The following C8orf34 variants were observed in gnomAD, a reference collection of about 807,000 sequenced individuals.
C8orf34 encodes uncharacterized protein C8orf34.
Under a neutral mutation model 68.3 loss-of-function variants are expected in C8orf34, and 65 were observed. The observed-to-expected ratio is 0.95, with a 90% CI of 0.78 to 1.17. The LOEUF (loss-of-function observed/expected upper bound fraction) is 1.17. Among genes scored for constraint, C8orf34 ranks in the 50% most tolerant of loss-of-function variants. The pLI is 0.00. For missense variants in C8orf34, 664 were observed against 655.4 expected (o/e 1.01, Z -0.14); for synonymous variants, 244 against 241.2 (o/e 1.01, Z -0.11).
At chr8:68,778,552 C>A (rs934141509) in intron 11 of C8orf34, among the ~76,000 whole-genome samples, 11 of 151,474 alleles carry the variant, frequency 7.3e-5, no homozygotes, top group Admixed American at 2.0e-4. Flanking sequence ...TAAAATGGAG[C>A]TTTTATTCAA....
At chr8:68,440,080 G>A (rs1210991516) in intron 2 of C8orf34, among the ~76,000 whole-genome samples, 1 of 152,094 alleles carries the variant, frequency 6.6e-6, no homozygotes, top group Non-Finnish European at 1.5e-5. Context: ...ATTTTATCCT[G>A]TGTAGTAAAC....
At chr8:68,510,683 A>G (rs947118837) in intron 5 of C8orf34, among the ~76,000 whole-genome samples, 1 of 152,216 alleles carries the variant, frequency 6.6e-6, no homozygotes, top group African/African-American at 2.4e-5. Context: ...ATAGACTTTA[A>G]TCTTATACTT....
At chr8:68,520,600 G>A (rs59212785) in intron 5 of C8orf34, among the ~76,000 whole-genome samples, 29,500 of 150,068 alleles carry the variant, frequency 0.2, 3,776 homozygotes, top group African/African-American at 0.37. Flanking sequence ...ACAGGTGCCC[G>A]CCATCACGCC....
At chr8:68,618,983 C>G (rs769177979) in intron 7 of C8orf34, among the ~76,000 whole-genome samples, 2 of 151,948 alleles carry the variant, frequency 1.3e-5, no homozygotes, top group African/African-American at 2.4e-5. Flanking sequence ...TTACTGAGAG[C>G]TAGGGGGATG....
chr8:68,718,105 G>C (rs1489669124), intron 9 of C8orf34, among the ~76,000 whole-genome samples: 1 of 152,092 alleles, frequency 6.6e-6, no homozygotes, highest in African/African-American at 2.4e-5. Context: ...CCTGTTCTAA[G>C]ATCATGTAAA....
intron 4 of C8orf34, among the ~76,000 whole-genome samples, chr8:68,475,556 TG>T (rs1474083278): frequency 2.6e-5 from 4 of 152,212 alleles, no homozygotes; most frequent in Non-Finnish European, 5.9e-5. Context: ...TGTGAGCCTT[TG>T]GGATAAGATG....
At chr8:68,351,456 A>G (rs1178687126) in intron 1 of C8orf34, among the ~76,000 whole-genome samples, 2 of 152,052 alleles carry the variant, frequency 1.3e-5, no homozygotes, top group Non-Finnish European at 2.9e-5. Context: ...CTTCTTGTGT[A>G]GAATCTTGCA....
chr8:68,609,232 T>C (rs192434626), intron 7 of C8orf34, among the ~76,000 whole-genome samples: 20 of 151,312 alleles, frequency 1.3e-4, no homozygotes, highest in Middle Eastern at 3.4e-3. Flanking sequence ...GAGAGGAGAG[T>C]TGAGAGTGGA....
intron 1 of C8orf34, among the ~76,000 whole-genome samples, chr8:68,437,157 A>G (rs1810700294): frequency 6.6e-6 from 1 of 152,226 alleles, no homozygotes; most frequent in African/African-American, 2.4e-5. Flanking sequence ...AAATTTATCC[A>G]AAATAGTTAA....
At chr8:68,532,950 T>A in intron 6 of C8orf34, 33 bp from the exon 7 acceptor site, 9 of 1,456,652 alleles carry the variant, frequency 6.2e-6, no homozygotes, top group Non-Finnish European at 8.5e-6. Context: ...TCTTTACTTA[T>A]CACAGCTAAT....
chr8:68,641,926 T>G (rs1819023091), intron 8 of C8orf34, among the ~76,000 whole-genome samples: 1 of 152,226 alleles, frequency 6.6e-6, no homozygotes, highest in South Asian at 2.1e-4. Context: ...ATGTATTACT[T>G]TCTTACTATA....
At chr8:68,715,883 T>G (rs1821457968) in intron 9 of C8orf34, among the ~76,000 whole-genome samples, 1 of 152,186 alleles carries the variant, frequency 6.6e-6, no homozygotes, top group African/African-American at 2.4e-5. Flanking sequence ...TATAACAGCA[T>G]AATTTGCAAT....
chr8:68,461,559 C>G (rs1811827237), intron 3 of C8orf34, among the ~76,000 whole-genome samples: 1 of 152,210 alleles, frequency 6.6e-6, no homozygotes, highest in Admixed American at 6.5e-5. Flanking sequence ...GGGTTACCCT[C>G]AAAGGGGAGC....
chr8:68,387,990 C>G lies in C8orf34; in HGVS notation c.328-51509C>G, dbSNP rs76457893. 4.5e-4 allele frequency among the ~76,000 whole-genome samples: 68 copies of G among 152,276 alleles called. No individual in the cohort carries two copies. In the East Asian group the frequency reaches 0.013, roughly 29 times the overall value. Reference sequence around the variant, plus strand: ...GCTTAGGGAGCTACTTACTGATTAGCACTGAGTGTGCATTTCATGGTAGTT... The same window carrying G: ...GCTTAGGGAGCTACTTACTGATTAGGACTGAGTGTGCATTTCATGGTAGTT... On this transcript the variant is annotated intron_variant, in intron 1 of 13. Transcript: ENST00000518698.
At chr8:68,377,087 A>G (rs1807834797) in intron 1 of C8orf34, among the ~76,000 whole-genome samples, 1 of 152,096 alleles carries the variant, frequency 6.6e-6, no homozygotes, top group South Asian at 2.1e-4. Flanking sequence ...ATGTGAGAAG[A>G]GCAGAAGTAA....
chr8:68,727,871 G>A (rs1365279347), intron 10 of C8orf34, among the ~76,000 whole-genome samples: 1 of 152,198 alleles, frequency 6.6e-6, no homozygotes, highest in African/African-American at 2.4e-5. Flanking sequence ...GGCCTGTGGG[G>A]CCTGTGATGG....
chr8:68,726,101 G>T (rs975709564), intron 10 of C8orf34, among the ~76,000 whole-genome samples: 7 of 151,970 alleles, frequency 4.6e-5, no homozygotes, highest in African/African-American at 1.7e-4. Context: ...TAGAGACCAG[G>T]TTTCACCATG....
At chr8:68,761,629 C>G (rs557711429) in intron 10 of C8orf34, among the ~76,000 whole-genome samples, 1 of 152,132 alleles carries the variant, frequency 6.6e-6, no homozygotes, top group Non-Finnish European at 1.5e-5. Context: ...TTTCTAGACC[C>G]CTCTCTATTT....
intron 1 of C8orf34, among the ~76,000 whole-genome samples, chr8:68,382,622 C>T (rs565190358): frequency 1.4e-4 from 22 of 152,270 alleles, no homozygotes; most frequent in Non-Finnish European, 2.8e-4. Flanking sequence ...TGCTGCCATC[C>T]CTTGGCCCCT....
Sources: allele counts gnomAD v4.1 joint callset (sites outside exome capture counted in the v4.1 genomes callset), GRCh38; gene constraint gnomAD v4.1.1; transcripts MANE v1.5; gene names NCBI Gene and HGNC (gene_info 2026-07-23, HGNC 2026-07-21).